DIPK1A: variants seen among roughly 807,000 people sequenced by gnomAD.
DIPK1A encodes the protein family with sequence similarity 69 member A.
In DIPK1A, 27 loss-of-function variants were observed where a neutral mutation model predicts 40.8. That is an observed-to-expected ratio of 0.66 (90% CI 0.49 to 0.91). DIPK1A has a LOEUF of 0.91. Ranked by LOEUF, DIPK1A falls within the 40% of genes least tolerant of loss-of-function variation. The pLI is 0.00. For synonymous variants in DIPK1A, 166 were observed against 171.3 expected (o/e 0.97, Z 0.24); for missense variants, 412 against 505.7 (o/e 0.81, Z 1.78).
At chr1:92,934,869 G>A (rs1194141079) in intron 1 of DIPK1A, among the ~76,000 whole-genome samples, 2 of 152,160 alleles carry the variant, frequency 1.3e-5, no homozygotes, top group African/African-American at 4.8e-5. Context: ...GGACAACAAT[G>A]GAAGTTCTAC....
chr1:92,878,019 G>C (rs576169068), intron 1 of DIPK1A, among the ~76,000 whole-genome samples: 2 of 152,212 alleles, frequency 1.3e-5, no homozygotes, highest in South Asian at 2.1e-4. Context: ...TCTTCTTTTC[G>C]GACTTGCCAA....
downstream of DIPK1A, chr1:92,842,062 C>T: frequency 1.3e-6 from 1 of 791,284 alleles, no homozygotes; most frequent in Non-Finnish European, 1.8e-6. Context: ...GTTGTTATTT[C>T]TTGGGCTTCT....
chr1:92,893,645 C>T (rs1209923685), intron 1 of DIPK1A, among the ~76,000 whole-genome samples: 5 of 150,988 alleles, frequency 3.3e-5, no homozygotes, highest in South Asian at 4.2e-4. Context: ...CAAATTCACA[C>T]ATAACAATAT....
At chr1:92,928,768 C>T (rs1308838029) in intron 1 of DIPK1A, among the ~76,000 whole-genome samples, 1 of 152,144 alleles carries the variant, frequency 6.6e-6, no homozygotes. Context: ...TTGAGACCAG[C>T]CTGGCCAACA....
In DIPK1A at chr1:92,842,216, C is replaced by G; in HGVS notation, c.*1167G>C. ...ACCAGATGATGAATGGGAAAAGTAC[C>G]TTAAAGTAAACAAAACTGGTGCTAA... On this transcript the variant is annotated 3_prime_UTR_variant, in exon 5 of 5. Coordinates refer to ENST00000370310, the MANE Select transcript of DIPK1A (RefSeq NM_001006605.5). The G allele has an allele frequency of 1.0e-6, 1 of 999,150 alleles. No individual in the cohort carries two copies. The highest frequency in any genetic ancestry group is 1.2e-6 in the Non-Finnish European group (1 of 838,802). 61.9% of individuals were successfully genotyped at this position (999,150 alleles called of 1,614,324 possible). A position where few individuals can be genotyped will look rare whatever the true frequency, so the allele number is the denominator to read the frequency against.
intron 2 of DIPK1A, among the ~76,000 whole-genome samples, chr1:92,866,292 G>A (rs759109216): frequency 5.3e-5 from 8 of 152,086 alleles, no homozygotes; most frequent in Non-Finnish European, 8.8e-5. Flanking sequence ...AGTAGAGATG[G>A]GTTTTCACCA....
chr1:92,885,799 T>C lies in DIPK1A; in HGVS notation c.55-9369A>G, dbSNP rs559365390. ...ACTCAGTCAGATTCCATCCTTCTTA[T>C]TGAAATAATGCCAGATTGTTATGCC... On this transcript the variant is annotated intron_variant, in intron 1 of 4. Transcript: ENST00000370310. Among the ~76,000 whole-genome samples the C allele has an allele frequency of 3.9e-5, 6 of 152,290 alleles. No individual in the cohort carries two copies. In the East Asian group the frequency reaches 7.7e-4, roughly 20 times the overall value.
rs548237895 is a variant in DIPK1A, at chr1:92,842,771, T to C, written c.*612A>G. On this transcript the variant is annotated 3_prime_UTR_variant, in exon 5 of 5. Coordinates refer to ENST00000370310, the MANE Select transcript of DIPK1A (RefSeq NM_001006605.5). ...TTTTTAGTCAATAAAATTGGTGTAC[T>C]GTCAAGTATAAGATTTCTTGAAGTA... 3.7e-5 allele frequency: 36 copies of C among 985,390 alleles called. No individual in the cohort carries two copies. Among genetic ancestry groups the C allele is most frequent in the Non-Finnish European group, 4.3e-5 (36 of 829,876 alleles). 61.0% of individuals were successfully genotyped at this position (985,390 alleles called of 1,614,324 possible).
intron 4 of DIPK1A, chr1:92,833,527 A>G (rs933158035): frequency 2.5e-6 from 4 of 1,612,580 alleles, no homozygotes; most frequent in East Asian, 2.2e-5. Flanking sequence ...CCTTTCTACA[A>G]TTATTTTTTT....
downstream of DIPK1A, among the ~76,000 whole-genome samples, chr1:92,840,028 A>T (rs999179452): frequency 4.7e-3 from 661 of 141,118 alleles, 1 homozygote; most frequent in South Asian, 0.012. Flanking sequence ...TTTTTTTTTA[A>T]TTTTTGGTAG....
intron 1 of DIPK1A, among the ~76,000 whole-genome samples, chr1:92,954,531 T>C (rs1245953493): frequency 1.3e-5 from 2 of 151,820 alleles, no homozygotes; most frequent in East Asian, 1.9e-4. Flanking sequence ...CATGCCACCA[T>C]ACCCGGCTAT....
chr1:92,918,755 C>T (rs754915212), intron 1 of DIPK1A, among the ~76,000 whole-genome samples: 2 of 152,064 alleles, frequency 1.3e-5, no homozygotes, highest in African/African-American at 4.8e-5. Context: ...TCGTGGAAGA[C>T]GGTTTTGCAA....
chr1:92,887,471 T>C (rs1648665227), intron 1 of DIPK1A, among the ~76,000 whole-genome samples: 2 of 151,770 alleles, frequency 1.3e-5, no homozygotes, highest in South Asian at 4.2e-4. Flanking sequence ...ACTATGCAAC[T>C]GGACTTGCTC....
At chr1:92,879,215 C>G (rs1254987611) in intron 1 of DIPK1A, among the ~76,000 whole-genome samples, 1 of 152,004 alleles carries the variant, frequency 6.6e-6, no homozygotes, top group Non-Finnish European at 1.5e-5. Context: ...AATTACAACA[C>G]ATGTATCTTT....
chr1:92,920,402 A>G (rs1383381715), intron 1 of DIPK1A, among the ~76,000 whole-genome samples: 1 of 152,200 alleles, frequency 6.6e-6, no homozygotes, highest in Non-Finnish European at 1.5e-5. Context: ...GCCTTCCACC[A>G]TGATTGTGAG....
Position 92,869,019 on chromosome 1 carries a change from GC to G in DIPK1A, c.189+7276del, listed in dbSNP as rs1647703026. 3.3e-5 allele frequency among the ~76,000 whole-genome samples: 5 copies of G among 149,750 alleles called. No homozygotes were observed. The South Asian group carries it at 1.1e-3, about 32-fold the overall frequency. ...TATCTTGCTTACCACAATATCCCTA[GC>G]ACCTAGAAAAATAACTTAGATGTAG... On this transcript the variant is annotated intron_variant, in intron 2 of 4. Transcript: ENST00000370310.
intron 1 of DIPK1A, among the ~76,000 whole-genome samples, chr1:92,892,516 A>C (rs1278679580): frequency 6.6e-6 from 1 of 152,072 alleles, no homozygotes; most frequent in Non-Finnish European, 1.5e-5. Flanking sequence ...ACCATCATCA[A>C]AGACCAAAGG....
At chr1:92,877,789 G>C (rs1648193120) in intron 1 of DIPK1A, among the ~76,000 whole-genome samples, 1 of 152,206 alleles carries the variant, frequency 6.6e-6, no homozygotes, top group Non-Finnish European at 1.5e-5. Flanking sequence ...CATGGGGTTT[G>C]TTTGAAAGAT....
chr1:92,877,118 T>C, intron 1 of DIPK1A: 1 of 985,406 alleles, frequency 1.0e-6, no homozygotes, highest in Non-Finnish European at 1.2e-6. Flanking sequence ...ACTTGCAAAG[T>C]GTAAAGCTGC....
Sources: allele counts gnomAD v4.1 joint callset (sites outside exome capture counted in the v4.1 genomes callset), GRCh38; gene constraint gnomAD v4.1.1; transcripts MANE v1.5; gene names NCBI Gene and HGNC (gene_info 2026-07-23, HGNC 2026-07-21).